The following SPTAN1 variants were observed in gnomAD, a reference collection of about 807,000 sequenced individuals.
The protein encoded by SPTAN1 is spectrin alpha, non-erythrocytic 1, also known as spectrin alpha chain, non-erythrocytic 1.
In SPTAN1, 61 loss-of-function variants were observed where a neutral mutation model predicts 331.3. That is an observed-to-expected ratio of 0.18 (90% CI 0.15 to 0.23). The LOEUF is 0.23. Among genes scored for constraint, SPTAN1 ranks in the 10% least tolerant of loss-of-function variants. SPTAN1 has a pLI of 1.00. For missense variants in SPTAN1, 2,043 were observed against 3,147.9 expected, an observed-to-expected ratio of 0.65 and a Z score of 8.40; for synonymous variants, 1,153 against 1,173.9, an observed-to-expected ratio of 0.98 and a Z score of 0.36.
Position 128,583,049 on chromosome 9 carries a change from AG to A in SPTAN1, c.1807-27del, listed in dbSNP as rs746165535. The A allele has an allele frequency of 5.6e-6, 9 of 1,609,964 alleles. No individual in the cohort carries two copies. In the African/African-American group the frequency reaches 1.1e-4, roughly 19 times the overall value. On this transcript the variant is annotated intron_variant, in intron 14 of 56. Transcript: ENST00000372739. ...AACTTGACGTTCTCAGGTTCAAGATAGAAAGAACCCCCTTCTTTTATTCACA... is the reference window on the plus strand; with the variant it reads ...AACTTGACGTTCTCAGGTTCAAGATAAAAGAACCCCCTTCTTTTATTCACA...
Position 128,575,344 on chromosome 9 carries a change from A to G in SPTAN1, c.650A>G (p.Gln217Arg). ...AACCAGTTTGCTGCCAAACTCATAC[A>G]GGTAAATAGCAAAGTGCTGTATGCT... ...EVNQFAAKLI[Q>R]EQHPEEELIK... is the part of the protein sequence containing the mutation. The change falls in exon 5 of 57, where the codon CAG (glutamine) becomes CGG (arginine). Residue 217 changes from glutamine (Q) to arginine (R), a missense_variant and splice_region_variant. By Grantham distance (43) the Gln-to-Arg change is conservative. Transcript: ENST00000372739. 6.2e-7 allele frequency: 1 copy of G among 1,611,152 alleles called. No homozygotes were observed. Among genetic ancestry groups the G allele is most frequent in the Non-Finnish European group, 8.5e-7 (1 of 1,180,010 alleles).
At position 128,633,523 on chromosome 9, in the gene SPTAN1, C is replaced by A; in HGVS notation, c.*189C>A. ...ACAATCATCATGTCACTGTGGGGAC[C>A]CAGATCTGTGTCTTGAAGCAGCTGC... is the stretch of plus-strand genomic sequence containing the variant. On this transcript the variant is annotated 3_prime_UTR_variant, in exon 57 of 57. Transcript: ENST00000372739. 8.7e-7 allele frequency: 1 copy of A among 1,144,870 alleles called. No individual in the cohort carries two copies. Among genetic ancestry groups the A allele is most frequent in the Non-Finnish European group, 1.3e-6 (1 of 787,748 alleles). The allele number at this position is 1,144,870 out of a possible 1,614,324, so 70.9% of individuals were successfully genotyped here.
chr9:128,598,841 C>G, intron 25 of SPTAN1, 122 bp from the exon 26 acceptor site: 2 of 891,210 alleles, frequency 2.2e-6, no homozygotes, highest in East Asian at 5.0e-5. Flanking sequence ...GACATTTGGA[C>G]TGGCATTTCC....
chr9:128,592,837 A>C (rs1471216283), intron 22 of SPTAN1, 146 bp from the exon 23 acceptor site: 1 of 757,970 alleles, frequency 1.3e-6, no homozygotes, highest in Non-Finnish European at 2.3e-6. Context: ...CATGACTTAG[A>C]CTGCTCCTTA....
chr9:128,561,623 A>G (rs1299482855), intron 1 of SPTAN1, among the ~76,000 whole-genome samples: 1 of 124,532 alleles, frequency 8.0e-6, no homozygotes, highest in Non-Finnish European at 1.6e-5. Context: ...AAATTGCACC[A>G]CTGCACTCCA....
intron 1 of SPTAN1, among the ~76,000 whole-genome samples, chr9:128,563,813 T>G (rs536677804): frequency 5.3e-5 from 8 of 152,084 alleles, no homozygotes; most frequent in Non-Finnish European, 1.0e-4. Flanking sequence ...CTGGATAATT[T>G]TTTTTTTAGA....
chr9:128,616,691 A>G (rs1857207120), intron 41 of SPTAN1, among the ~76,000 whole-genome samples: 1 of 151,532 alleles, frequency 6.6e-6, no homozygotes. Flanking sequence ...CGCTTGAACC[A>G]GGGAGGCGGA....
At chr9:128,568,084 A>G (rs1564196166) in intron 2 of SPTAN1, among the ~76,000 whole-genome samples, 1 of 152,230 alleles carries the variant, frequency 6.6e-6, no homozygotes, top group Non-Finnish European at 1.5e-5. Context: ...ATAAAAAGGG[A>G]AAGCCTTTCT....
Position 128,582,525 on chromosome 9 carries a change from C to T in SPTAN1, c.1619C>T (p.Ala540Val). ...ATKLIQNNHY[A>V]MEDVATRRDA... is the part of the protein sequence containing the mutation. ...AAGCTAATTCAGAACAACCACTATG[C>T]AATGGAAGATGTGGCCACTCGCCGA... is the stretch of plus-strand genomic sequence containing the variant. Residue 540 changes from alanine to valine, a missense_variant, in exon 13 of 57, where the codon GCA becomes GTA. Ala to Val is a moderately conservative substitution (Grantham distance 64, BLOSUM62 0). This residue lies in a region of SPTAN1 where 1,038 missense variants were observed against 1,531.5 expected (regional missense o/e 0.68). Transcript: ENST00000372739. 1 of 1,614,080 alleles carries T rather than the reference C, an allele frequency of 6.2e-7. No individual in the cohort carries two copies. Among genetic ancestry groups the T allele is most frequent in the Non-Finnish European group, 8.5e-7 (1 of 1,180,034 alleles).
chr9:128,586,963 G>A (rs1307330194), intron 19 of SPTAN1, among the ~76,000 whole-genome samples: 3 of 151,708 alleles, frequency 2.0e-5, no homozygotes, highest in African/African-American at 7.3e-5. Flanking sequence ...GATTACAGGC[G>A]CCCGCCACCA....
At chr9:128,568,925 T>TATCC in intron 3 of SPTAN1, 28 bp downstream of exon 3, 1 of 1,613,594 alleles carries the variant, frequency 6.2e-7, no homozygotes. Context: ...GTGGAGTGGA[T>TATCC]GGCTTCATCT....
intron 40 of SPTAN1, among the ~76,000 whole-genome samples, chr9:128,614,887 T>G (rs946245253): frequency 1.9e-4 from 29 of 152,250 alleles, no homozygotes; most frequent in African/African-American, 7.0e-4. Flanking sequence ...AGCTCTTACC[T>G]GTGCATGATT....
chr9:128,620,546 G>A (rs1388394663), intron 44 of SPTAN1, among the ~76,000 whole-genome samples: 6 of 152,030 alleles, frequency 3.9e-5, no homozygotes, highest in Non-Finnish European at 5.9e-5. Flanking sequence ...GTGAAACCCC[G>A]TCTGTACTAA....
At chr9:128,575,127 T>A in intron 4 of SPTAN1, 72 bp from the exon 5 acceptor site, 1 of 1,595,160 alleles carries the variant, frequency 6.3e-7, no homozygotes, top group South Asian at 1.1e-5. Flanking sequence ...AATGTGTCTG[T>A]TTGATGTTTC....
Position 128,598,420 on chromosome 9 carries a change from A to G in SPTAN1, c.3435A>G (p.Ser1145=). Residue 1145 remains serine (S), a synonymous_variant, in exon 25 of 57, where the codon TCA becomes TCG. Coordinates refer to ENST00000372739, the MANE Select transcript of SPTAN1 (RefSeq NM_001130438.3). ...TAAAGGACCTGAAGGCCAATGAGTC[A>G]CGGTTGAAGGACATTAACAAGGTAG... ...DFQKDLKANE[S]RLKDINKVAE... is the part of the protein sequence containing the mutation. 1 of 1,613,312 alleles carries G rather than the reference A, an allele frequency of 6.2e-7. No individual in the cohort carries two copies. Among genetic ancestry groups the G allele is most frequent in the Non-Finnish European group, 8.5e-7 (1 of 1,179,878 alleles).
chr9:128,577,064 A>C lies in SPTAN1; in HGVS notation c.786-65A>C. 1 of 1,613,978 alleles carries C rather than the reference A, an allele frequency of 6.2e-7. No homozygotes were observed. The highest frequency in any genetic ancestry group is 2.2e-5 in the East Asian group (1 of 44,882). On this transcript the variant is annotated intron_variant, in intron 6 of 56. Coordinates refer to ENST00000372739, the MANE Select transcript of SPTAN1 (RefSeq NM_001130438.3). This position sits in a 1 kb window ranked among gnomAD's most constrained non-coding sequence, Gnocchi z 4.2. ...TCGAGGCTGACTAGGCCTTGGTCCC[A>C]TGGGGTGTTCCTAGTTCTAGGGAGT...
chr9:128,609,333 G>T, intron 36 of SPTAN1, 49 bp downstream of exon 36: 1 of 1,612,944 alleles, frequency 6.2e-7, no homozygotes, highest in South Asian at 1.1e-5. Context: ...TTATGTTATT[G>T]AGTAGATTTT....
Position 128,625,432 on chromosome 9 carries a change from G to A in SPTAN1, c.6069+253G>A, listed in dbSNP as rs1858587578. On this transcript the variant is annotated intron_variant, in intron 47 of 56. Transcript: ENST00000372739. This position sits in a 1 kb window ranked among gnomAD's most constrained non-coding sequence, Gnocchi z 4.1. Reference sequence around the variant, plus strand: ...AGCACTCACTCAGTTTTCAGCAGGCGAGGGTTGAAGGGGCAAGTTCTCCTA... The same window carrying A: ...AGCACTCACTCAGTTTTCAGCAGGCAAGGGTTGAAGGGGCAAGTTCTCCTA... Among the ~76,000 whole-genome samples the A allele has an allele frequency of 1.3e-5, 2 of 152,176 alleles. No homozygotes were observed. Among genetic ancestry groups the A allele is most frequent in the South Asian group, 4.1e-4 (2 of 4,824 alleles).
In SPTAN1 at chr9:128,599,443, G is replaced by A. The variant is rs144089278; in HGVS notation, c.3543+457G>A. On this transcript the variant is annotated intron_variant, in intron 26 of 56. Coordinates refer to ENST00000372739, the MANE Select transcript of SPTAN1 (RefSeq NM_001130438.3). ...AGCCACCATGCCCAGCCCAGAAATT[G>A]ATTTCTATTTGCCATTCTCCAAAAG... is the stretch of plus-strand genomic sequence containing the variant. The A allele has an allele frequency of 1.6e-4, 26 of 166,774 alleles. No homozygotes were observed. In the East Asian group the frequency reaches 4.0e-3, roughly 26 times the overall value. 10.3% of individuals were successfully genotyped at this position (166,774 alleles called of 1,614,324 possible).
Sources: gnomAD v4.1 joint callset for allele counts (sites outside exome capture counted in the v4.1 genomes callset) on GRCh38, gnomAD v4.1.1 for gene constraint, gnomAD v4.1.1 regional missense constraint, Gnocchi (gnomAD v3.1) non-coding constraint, MANE v1.5 for transcripts, NCBI Gene and HGNC (gene_info 2026-07-23, HGNC 2026-07-21) for gene names.